The following TOP6BL variants were observed in gnomAD, a reference collection of about 807,000 sequenced individuals.
The protein encoded by TOP6BL is TOP6B like initiator of meiotic double strand breaks.
At chr11:66,760,022 T>C in the TOP6BL span, among the ~76,000 whole-genome samples, 28 of 152,374 alleles carry the variant, frequency 1.8e-4, no homozygotes, top group Admixed American at 1.7e-3. Flanking sequence ...ATAAGTATTA[T>C]CCATTGGCCT....
At chr11:66,746,087 C>T in the TOP6BL span, among the ~76,000 whole-genome samples, 1 of 152,012 alleles carries the variant, frequency 6.6e-6, no homozygotes, top group Non-Finnish European at 1.5e-5. Flanking sequence ...CTGGGACCGG[C>T]GTGAGCCACC....
chr11:66,808,231 T>C, the TOP6BL span, among the ~76,000 whole-genome samples: 2 of 152,196 alleles, frequency 1.3e-5, no homozygotes, highest in African/African-American at 2.4e-5. Context: ...ATATCAGATA[T>C]TGACTTTAAA....
At chr11:66,791,426 C>T in the TOP6BL span, among the ~76,000 whole-genome samples, 1 of 149,524 alleles carries the variant, frequency 6.7e-6, no homozygotes, top group African/African-American at 2.6e-5. Flanking sequence ...TGGAGTTATA[C>T]ATATATACAT....
chr11:66,766,413 A>T, the TOP6BL span, among the ~76,000 whole-genome samples: 1 of 152,086 alleles, frequency 6.6e-6, no homozygotes, highest in African/African-American at 2.4e-5. Context: ...CTACTTCTCT[A>T]CTGGTTTATT....
the TOP6BL span, chr11:66,801,227 G>C: frequency 1.0e-6 from 1 of 981,496 alleles, no homozygotes; most frequent in Admixed American, 2.6e-5. Flanking sequence ...TTCTCTATAA[G>C]AAAAGCAGAA....
At chr11:66,814,096 G>A in the TOP6BL span, 37 of 1,419,448 alleles carry the variant, frequency 2.6e-5, no homozygotes, top group East Asian at 2.3e-5. Flanking sequence ...AATAGAACGT[G>A]TGTATAAAAA....
chr11:66,744,811 T>A, the TOP6BL span: 1 of 1,205,904 alleles, frequency 8.3e-7, no homozygotes, highest in Non-Finnish European at 1.1e-6. Flanking sequence ...AAGCCCGGGC[T>A]GAGGAGGGGG....
At chr11:66,832,101 T>G in the TOP6BL span, among the ~76,000 whole-genome samples, 1 of 151,828 alleles carries the variant, frequency 6.6e-6, no homozygotes, top group African/African-American at 2.4e-5. Flanking sequence ...CACTTTCTTT[T>G]TTTTTTCTTT....
the TOP6BL span, among the ~76,000 whole-genome samples, chr11:66,817,812 G>T: frequency 6.6e-6 from 1 of 152,074 alleles, no homozygotes; most frequent in Admixed American, 6.6e-5. Context: ...CTCCCAAAGT[G>T]CTGGGATTAC....
At chr11:66,817,735 C>A in the TOP6BL span, among the ~76,000 whole-genome samples, 1 of 151,988 alleles carries the variant, frequency 6.6e-6, no homozygotes, top group Non-Finnish European at 1.5e-5. Flanking sequence ...CCACACCAGG[C>A]CATTATTATT....
the TOP6BL span, among the ~76,000 whole-genome samples, chr11:66,768,213 AACTC>A: frequency 1.2e-4 from 19 of 152,118 alleles, no homozygotes; most frequent in African/African-American, 4.3e-4. Context: ...TTGAGTAAGA[AACTC>A]ACAATGGTGA....
At chr11:66,760,994 CT>C in the TOP6BL span, among the ~76,000 whole-genome samples, 2,676 of 137,212 alleles carry the variant, frequency 0.02, 58 homozygotes, top group African/African-American at 0.06. Flanking sequence ...CTTAAAGCAC[CT>C]TTTTTTTTTT....
chr11:66,749,406 G>A, the TOP6BL span, among the ~76,000 whole-genome samples: 1 of 152,188 alleles, frequency 6.6e-6, no homozygotes, highest in South Asian at 2.1e-4. Context: ...GGCCAGGGTA[G>A]CAAGGTTGAT....
chr11:66,772,323 T>C, the TOP6BL span, among the ~76,000 whole-genome samples: 1 of 152,198 alleles, frequency 6.6e-6, no homozygotes, highest in Non-Finnish European at 1.5e-5. Context: ...TTCTAAAAGT[T>C]AATTGGGCAT....
the TOP6BL span, among the ~76,000 whole-genome samples, chr11:66,794,406 A>G: frequency 6.6e-6 from 1 of 152,154 alleles, no homozygotes; most frequent in Non-Finnish European, 1.5e-5. Flanking sequence ...AGTATAGGTA[A>G]GTGGTTAATG....
the TOP6BL span, among the ~76,000 whole-genome samples, chr11:66,805,526 A>G: frequency 2.0e-5 from 3 of 151,888 alleles, no homozygotes; most frequent in Non-Finnish European, 2.9e-5. Context: ...CGGTGACACA[A>G]TCTCAGCTCA....
At chr11:66,823,294 C>CA in the TOP6BL span, among the ~76,000 whole-genome samples, 1,558 of 40,426 alleles carry the variant, frequency 0.039, 43 homozygotes, top group African/African-American at 0.071. Context: ...GACTCCACCT[C>CA]AAAAAAAAAA....
chr11:66,776,820 C>T, the TOP6BL span, among the ~76,000 whole-genome samples: 4 of 151,966 alleles, frequency 2.6e-5, no homozygotes, highest in South Asian at 2.1e-4. Context: ...GAGGCCAAGA[C>T]GGGAGGACCA....
At chr11:66,768,992 GT>G in the TOP6BL span, among the ~76,000 whole-genome samples, 1 of 152,262 alleles carries the variant, frequency 6.6e-6, no homozygotes, top group Admixed American at 6.5e-5. Context: ...TGCTTGAACT[GT>G]TACAATTCCT....
Sources: gnomAD v4.1 joint callset for allele counts (sites outside exome capture counted in the v4.1 genomes callset) on GRCh38, gnomAD v4.1.1 for gene constraint, MANE v1.5 for transcripts, NCBI Gene and HGNC (gene_info 2026-07-23, HGNC 2026-07-21) for gene names.